The following RADIL variants were observed in gnomAD, a reference collection of about 807,000 sequenced individuals.
RADIL encodes the protein Rap associating with DIL domain, also known as ras-associating and dilute domain-containing protein.
In RADIL, 99 loss-of-function variants were observed where a neutral mutation model predicts 97.6. The ratio of observed to expected loss-of-function variants is 1.01; its 90% CI spans 0.86 to 1.20. The LOEUF is 1.20. RADIL is among the 50% of genes most tolerant of loss of function. RADIL has a pLI of 0.00. For missense variants in RADIL, 1,765 were observed against 1,498.9 expected (o/e 1.18, Z -2.93); for synonymous variants, 803 against 691.8 (o/e 1.16, Z -2.52).
Position 4,803,734 on chromosome 7 carries a change from C to A in RADIL, c.2311G>T (p.Glu771Ter), listed in dbSNP as rs778399445. The change falls in exon 11 of 15, where the codon GAA becomes TAA. Residue 771 changes from glutamate to a stop codon, truncating the protein, a stop_gained. Coordinates refer to ENST00000399583, the MANE Select transcript of RADIL (RefSeq NM_018059.5). LOFTEE classifies it high-confidence loss of function. ...GGCAGGACGATGGGTGGGGGGTTTT[C>A]GTAGGACTCCAGAACATCCTCTGCA... The part of the protein sequence containing the change: ...FRSEDVLESY[E>*]NPPPIVLPSD... 6.4e-7 allele frequency: 1 copy of A among 1,565,008 alleles called. No individual in the cohort carries two copies. The highest frequency in any genetic ancestry group is 8.7e-7 in the Non-Finnish European group (1 of 1,155,500).
intron 2 of RADIL, among the ~76,000 whole-genome samples, chr7:4,875,187 ATC>A (rs1784344881): frequency 9.2e-6 from 1 of 108,408 alleles, no homozygotes; most frequent in Non-Finnish European, 1.7e-5. Flanking sequence ...GCGAGACTCC[ATC>A]TCCAACAACA....
rs1286863603 is a variant in RADIL at position 4,800,168 on chromosome 7, C to T, written c.2982+3G>A. 1 of 1,605,010 alleles carries T rather than the reference C, an allele frequency of 6.2e-7. No individual in the cohort carries two copies. ...GGTGCGGCGAGGGTCCTGGGCCACTCACCATCCCGTCGATCAGGCCCATCC... is the reference window on the plus strand; with the variant it reads ...GGTGCGGCGAGGGTCCTGGGCCACTTACCATCCCGTCGATCAGGCCCATCC... On this transcript the variant is annotated splice_donor_region_variant and intron_variant, in intron 13 of 14. Transcript: ENST00000399583.
chr7:4,836,852 G>A (rs190178658), intron 2 of RADIL, among the ~76,000 whole-genome samples: 1 of 152,202 alleles, frequency 6.6e-6, no homozygotes, highest in Admixed American at 6.5e-5. Flanking sequence ...GCACGAGAAT[G>A]GCTTAAACCC....
chr7:4,845,524 C>T (rs563096038), intron 2 of RADIL, among the ~76,000 whole-genome samples: 28 of 152,232 alleles, frequency 1.8e-4, no homozygotes, highest in African/African-American at 6.5e-4. Flanking sequence ...AAGAAAACAC[C>T]AGAATGAAAA....
At position 4,817,364 on chromosome 7, in the gene RADIL, A is replaced by G. The variant is rs1782703929; in HGVS notation, c.1616-13T>C. ...GATTCCTTCGAGCCTGCCGGGAGAC[A>G]GCCACGCCAATGGTCACAACGGGCA... On this transcript the variant is annotated splice_polypyrimidine_tract_variant and intron_variant, in intron 6 of 14. Transcript: ENST00000399583. This position sits in a 1 kb window ranked among gnomAD's most constrained non-coding sequence, Gnocchi z 8.3. 7 of 1,607,770 alleles carry G rather than the reference A, an allele frequency of 4.4e-6. No individual in the cohort carries two copies. Among genetic ancestry groups the G allele is most frequent in the Non-Finnish European group, 5.1e-6 (6 of 1,177,444 alleles).
chr7:4,845,213 A>G (rs1583302209), intron 2 of RADIL, among the ~76,000 whole-genome samples: 1 of 152,274 alleles, frequency 6.6e-6, no homozygotes, highest in South Asian at 2.1e-4. Context: ...TGAAGCCAGG[A>G]GTTTGGGAGC....
intron 2 of RADIL, among the ~76,000 whole-genome samples, chr7:4,846,906 A>G (rs1464910730): frequency 2.6e-5 from 4 of 152,222 alleles, no homozygotes; most frequent in Non-Finnish European, 4.4e-5. Context: ...GAATAAATAT[A>G]CATGGCCAAT....
Position 4,815,035 on chromosome 7 carries a change from T to G in RADIL, c.2139+243A>C, listed in dbSNP as rs1782641726. 6.6e-6 allele frequency among the ~76,000 whole-genome samples: 1 copy of G among 152,176 alleles called. No homozygotes were observed. The highest frequency in any genetic ancestry group is 2.4e-5 in the African/African-American group (1 of 41,426). On this transcript the variant is annotated intron_variant, in intron 9 of 14. Transcript: ENST00000399583. The surrounding 1 kb of genome is among the most constrained non-coding windows in gnomAD (Gnocchi z 8.0). ...CACGTACAGAGGCTTCTTTGCCATG[T>G]GGGGTAATACGGTCACAGGGTAAGA... is the stretch of plus-strand genomic sequence containing the variant.
In RADIL at chr7:4,830,052, C is replaced by T. The variant is rs377664574; in HGVS notation, c.1454+2089G>A. Among the ~76,000 whole-genome samples the T allele has an allele frequency of 2.0e-5, 3 of 152,186 alleles. No individual in the cohort carries two copies. In the East Asian group the frequency reaches 5.8e-4, roughly 29 times the overall value. ...CTCCCTCACTGCCTAGCGTGGCCAC[C>T]ACCTTCCACTCTGCCTTCGTCAGTG... is the stretch of plus-strand genomic sequence containing the variant. On this transcript the variant is annotated intron_variant, in intron 5 of 14. Coordinates refer to ENST00000399583, the MANE Select transcript of RADIL (RefSeq NM_018059.5).
In RADIL at chr7:4,835,144, G is replaced by C; in HGVS notation, c.879C>G (p.Ile293Met). ...GGCGGATGGTGCAGTGTAGAGGCAG[G>C]ATGTCGGGGGCTGAGAGGCTGATGC... ...KPSISLSAPD[I>M]LPLHCTIRRQ... The change falls in exon 4 of 15, where the codon ATC becomes ATG. Residue 293 changes from isoleucine (I) to methionine (M), a missense_variant. Coordinates refer to ENST00000399583, the MANE Select transcript of RADIL (RefSeq NM_018059.5). This position sits in a 1 kb window ranked among gnomAD's most constrained non-coding sequence, Gnocchi z 5.8. 1 of 1,610,772 alleles carries C rather than the reference G, an allele frequency of 6.2e-7. No individual in the cohort carries two copies. The highest frequency in any genetic ancestry group is 8.5e-7 in the Non-Finnish European group (1 of 1,179,028).
At position 4,808,740 on chromosome 7, in the gene RADIL, G is replaced by A. The variant is rs556963527; in HGVS notation, c.2140-3024C>T. 184 of 932,186 alleles carry A rather than the reference G, an allele frequency of 2.0e-4. No individual in the cohort carries two copies. In the African/African-American group the frequency reaches 3.3e-3, roughly 17 times the overall value. The allele number at this position is 932,186 out of a possible 1,614,324, so 57.7% of individuals were successfully genotyped here. A position where few individuals can be genotyped will look rare whatever the true frequency, so the allele number is the denominator to read the frequency against. Reference sequence around the variant, plus strand: ...CCTTCCAACGCCACTGCCCCTCCGCGTCTCCTTCCAACGCCACTGCCCCCC... The same window carrying A: ...CCTTCCAACGCCACTGCCCCTCCGCATCTCCTTCCAACGCCACTGCCCCCC... On this transcript the variant is annotated intron_variant, in intron 9 of 14. Transcript: ENST00000399583.
rs562844444 is a variant in RADIL at position 4,835,624 on chromosome 7, A to C, written c.784-385T>G. 6.6e-6 allele frequency among the ~76,000 whole-genome samples: 1 copy of C among 150,454 alleles called. No homozygotes were observed. The highest frequency in any genetic ancestry group is 2.0e-4 in the East Asian group (1 of 5,034). On this transcript the variant is annotated intron_variant, in intron 3 of 14. Transcript: ENST00000399583. This position sits in a 1 kb window ranked among gnomAD's most constrained non-coding sequence, Gnocchi z 5.8. Reference sequence around the variant, plus strand: ...GCACTGCCGCCTGTGTGGGAGCACCACCCCCAGTGTGGGAGCACTGCCGCC... The same window carrying C: ...GCACTGCCGCCTGTGTGGGAGCACCCCCCCCAGTGTGGGAGCACTGCCGCC...
rs561060763 is a variant in RADIL at position 4,811,820 on chromosome 7, A to G, written c.2139+3458T>C. On this transcript the variant is annotated intron_variant, in intron 9 of 14. Coordinates refer to ENST00000399583, the MANE Select transcript of RADIL (RefSeq NM_018059.5). ...CTTTAATGTTTAAAATAATTCACCA[A>G]TGAAACCATCTGGACCTTGAATCTT... Among the ~76,000 whole-genome samples the G allele has an allele frequency of 3.2e-4, 48 of 151,830 alleles. 1 individual carries two copies. The highest frequency in any genetic ancestry group is 9.7e-4 in the African/African-American group (40 of 41,426).
At chr7:4,833,490 G>A (rs1044715140) in intron 4 of RADIL, among the ~76,000 whole-genome samples, 3 of 152,168 alleles carry the variant, frequency 2.0e-5, no homozygotes, top group South Asian at 2.1e-4. Context: ...CCGGGAACCC[G>A]AGGGGAAGAG....
At chr7:4,802,096 G>A (rs1163309146) in intron 11 of RADIL, 101 bp from the exon 12 acceptor site, 4 of 1,029,026 alleles carry the variant, frequency 3.9e-6, no homozygotes, top group Non-Finnish European at 5.6e-6. Flanking sequence ...CCAGGCCGCG[G>A]GGCAGAGGTC....
rs995270769 is a variant in RADIL at position 4,817,724 on chromosome 7, C to T, written c.1616-373G>A. Among the ~76,000 whole-genome samples, 2 of 152,180 alleles carry T rather than the reference C, an allele frequency of 1.3e-5. No individual in the cohort carries two copies. Among genetic ancestry groups the T allele is most frequent in the Non-Finnish European group, 2.9e-5 (2 of 68,028 alleles). ...CTCCCCACAGGTCACCTCTCACTCG[C>T]GACACGGGTCACAGGACTCTGGCAG... On this transcript the variant is annotated intron_variant, in intron 6 of 14. Coordinates refer to ENST00000399583, the MANE Select transcript of RADIL (RefSeq NM_018059.5). This position sits in a 1 kb window ranked among gnomAD's most constrained non-coding sequence, Gnocchi z 8.3.
intron 2 of RADIL, among the ~76,000 whole-genome samples, chr7:4,855,602 T>TA (rs1783807738): frequency 1.4e-5 from 2 of 141,046 alleles, no homozygotes; most frequent in African/African-American, 5.4e-5. Context: ...TAGACACTGT[T>TA]AGACTTTTTT....
chr7:4,861,874 G>C, intron 2 of RADIL: 141 of 535,858 alleles, frequency 2.6e-4, no homozygotes, highest in Non-Finnish European at 3.1e-4. Flanking sequence ...CCGCCGCCCG[G>C]GTCATGATCC....
chr7:4,811,580 C>T (rs1454472198), intron 9 of RADIL, among the ~76,000 whole-genome samples: 39 of 147,554 alleles, frequency 2.6e-4, no homozygotes, highest in African/African-American at 3.0e-4. Context: ...CTCCGCCTCC[C>T]GGGTTCACGC....
Sources: gnomAD v4.1 joint callset for allele counts (sites outside exome capture counted in the v4.1 genomes callset) on GRCh38, gnomAD v4.1.1 for gene constraint, Gnocchi (gnomAD v3.1) non-coding constraint, MANE v1.5 for transcripts, NCBI Gene and HGNC (gene_info 2026-07-23, HGNC 2026-07-21) for gene names.